The following TATDN1 variants were observed in gnomAD, a reference collection of about 807,000 sequenced individuals.
TATDN1 encodes the protein TatD DNase domain containing 1.
TATDN1 carries 40 observed loss-of-function variants against 46.4 expected under a neutral mutation model. The ratio of observed to expected loss-of-function variants is 0.86; its 90% CI spans 0.67 to 1.12. The LOEUF is 1.12. Among genes scored for constraint, TATDN1 ranks in the 50% most tolerant of loss-of-function variants. The probability of loss-of-function intolerance (pLI) is 0.00; values close to 1 mark genes in which losing one functional copy is unlikely to be tolerated. For missense variants in TATDN1, 326 were observed against 348.4 expected (o/e 0.94, Z 0.51); for synonymous variants, 95 against 105.6 (o/e 0.90, Z 0.62).
At chr8:124,531,714 G>A (rs1367503157) in intron 1 of TATDN1, among the ~76,000 whole-genome samples, 1 of 152,186 alleles carries the variant, frequency 6.6e-6, no homozygotes, top group African/African-American at 2.4e-5. Context: ...GACCCTAGGG[G>A]AGAGGAAATT....
rs188462081 is a variant in TATDN1 at position 124,499,969 on chromosome 8, C to T, written c.593+4302G>A. Among the ~76,000 whole-genome samples the T allele has an allele frequency of 1.6e-3, 238 of 152,012 alleles. 1 individual carries two copies. Among genetic ancestry groups the T allele is most frequent in the African/African-American group, 5.5e-3 (228 of 41,476 alleles). On this transcript the variant is annotated intron_variant, in intron 9 of 11. Transcript: ENST00000276692. ...AAACGATTCTCCTGCCTCAGCCTCC[C>T]GAGTAGCTGGGACTACAGGTGCCCA...
intron 9 of TATDN1, among the ~76,000 whole-genome samples, chr8:124,503,137 G>C (rs1300007692): frequency 6.6e-6 from 1 of 152,160 alleles, no homozygotes; most frequent in Non-Finnish European, 1.5e-5. Context: ...CATTGAGTAT[G>C]CATATAACCA....
intron 10 of TATDN1, chr8:124,494,300 T>C (rs538434203): frequency 3.1e-5 from 5 of 161,346 alleles, no homozygotes; most frequent in East Asian, 1.8e-4. Flanking sequence ...TTTTTCGCTA[T>C]GCATGTAGTG....
chr8:124,517,464 A>G (rs1252066860), intron 4 of TATDN1, among the ~76,000 whole-genome samples: 1 of 152,008 alleles, frequency 6.6e-6, no homozygotes, highest in Admixed American at 6.6e-5. Context: ...AATGGATCCT[A>G]AAAGACAAGT....
intron 9 of TATDN1, among the ~76,000 whole-genome samples, chr8:124,496,933 ATAT>A (rs1817513439): frequency 6.6e-6 from 1 of 152,174 alleles, no homozygotes; most frequent in Admixed American, 6.5e-5. Context: ...GACAGTTTTA[ATAT>A]TTATTTCAGC....
At chr8:124,511,696 T>C (rs1176934176) in intron 6 of TATDN1, among the ~76,000 whole-genome samples, 1 of 151,540 alleles carries the variant, frequency 6.6e-6, no homozygotes, top group Non-Finnish European at 1.5e-5. Flanking sequence ...GTCTAGGTAC[T>C]AAAACAAGAA....
chr8:124,527,386 G>A (rs974491238), intron 1 of TATDN1, among the ~76,000 whole-genome samples: 12 of 152,106 alleles, frequency 7.9e-5, no homozygotes, highest in Admixed American at 2.0e-4. Context: ...AGGAATGCGC[G>A]GTGAAACTGG....
chr8:124,530,563 T>C (rs28455651), intron 1 of TATDN1, among the ~76,000 whole-genome samples: 96 of 152,258 alleles, frequency 6.3e-4, no homozygotes, highest in African/African-American at 1.9e-3. Context: ...ATAAATCCCA[T>C]ACAAATCCAA....
chr8:124,516,335 C>G (rs1276418665), intron 4 of TATDN1, among the ~76,000 whole-genome samples: 1 of 151,476 alleles, frequency 6.6e-6, no homozygotes, highest in Non-Finnish European at 1.5e-5. Context: ...CAGGGTGCCA[C>G]TGTGTCACCC....
At chr8:124,502,605 G>A (rs1586585627) in intron 9 of TATDN1, among the ~76,000 whole-genome samples, 2 of 152,150 alleles carry the variant, frequency 1.3e-5, no homozygotes, top group Non-Finnish European at 2.9e-5. Flanking sequence ...AACACGCAAG[G>A]AATACATGGG....
chr8:124,499,809 G>T (rs928179201), intron 9 of TATDN1, among the ~76,000 whole-genome samples: 1 of 151,702 alleles, frequency 6.6e-6, no homozygotes, highest in South Asian at 2.1e-4. Context: ...CTCCCAAAGT[G>T]CTGGGATTAC....
intron 1 of TATDN1, chr8:124,538,325 GA>G (rs1298766096): frequency 1.3e-5 from 2 of 152,498 alleles, no homozygotes; most frequent in African/African-American, 4.8e-5. Context: ...TAGCTATCAG[GA>G]TTACCTTGCT....
At chr8:124,518,920 G>T in intron 3 of TATDN1, 39 bp from the exon 4 acceptor site, 2 of 1,367,984 alleles carry the variant, frequency 1.5e-6, no homozygotes, top group South Asian at 1.2e-5. Context: ...GACTTTAATA[G>T]GGCAGCAATA....
chr8:124,492,781 A>T (rs1284578461), intron 11 of TATDN1, among the ~76,000 whole-genome samples: 1 of 151,626 alleles, frequency 6.6e-6, no homozygotes, highest in Non-Finnish European at 1.5e-5. Flanking sequence ...AAGATTTAGA[A>T]ATACTGTCTC....
chr8:124,523,065 A>C (rs1470296183), intron 1 of TATDN1, 63 bp from the exon 2 acceptor site: 2 of 1,453,966 alleles, frequency 1.4e-6, no homozygotes, highest in African/African-American at 1.4e-5. Context: ...TACTTAAATA[A>C]AAAGCTTCTG....
At chr8:124,488,939 A>T (rs1816661971) in intron 11 of TATDN1, 1 of 438,110 alleles carries the variant, frequency 2.3e-6, no homozygotes, top group South Asian at 2.5e-5. Context: ...TTATTAAAGC[A>T]GCCATCTGTA....
intron 4 of TATDN1, among the ~76,000 whole-genome samples, chr8:124,517,655 G>A (rs542479049): frequency 9.2e-5 from 14 of 152,218 alleles, no homozygotes; most frequent in African/African-American, 2.2e-4. Flanking sequence ...GATAAATGAG[G>A]TTTTACCTAA....
rs771387476 is a variant in TATDN1, at chr8:124,539,018, C to T, written c.22+7G>A. The T allele has an allele frequency of 1.9e-6, 3 of 1,614,172 alleles. No individual in the cohort carries two copies. The highest frequency in any genetic ancestry group is 2.5e-6 in the Non-Finnish European group (3 of 1,180,014). ...AGACCCAAGGGCGTGGAAAACGCTC[C>T]TCTTACCGATAAACTTGAAGCGACT... On this transcript the variant is annotated splice_region_variant and intron_variant, in intron 1 of 11. Coordinates refer to ENST00000276692, the MANE Select transcript of TATDN1 (RefSeq NM_032026.4).
chr8:124,511,950 CT>C (rs1182995303), intron 6 of TATDN1, among the ~76,000 whole-genome samples: 36 of 152,178 alleles, frequency 2.4e-4, no homozygotes. Flanking sequence ...AGTTGTAAAT[CT>C]CACCCAAAGA....
Sources: gnomAD v4.1 joint callset for allele counts (sites outside exome capture counted in the v4.1 genomes callset) on GRCh38, gnomAD v4.1.1 for gene constraint, MANE v1.5 for transcripts, NCBI Gene and HGNC (gene_info 2026-07-23, HGNC 2026-07-21) for gene names.